Variants in ATXN1 observed in about 807,000 individuals in gnomAD.
ATXN1 encodes the protein ataxin 1, also known as ataxin-1.
A neutral mutation model predicts 56.4 loss-of-function variants in ATXN1; 8 were observed. The ratio of observed to expected loss-of-function variants is 0.14; its 90% CI spans 0.08 to 0.26. ATXN1 has a LOEUF of 0.26. ATXN1 is among the 10% of genes least tolerant of loss of function. The pLI is 1.00. For synonymous variants in ATXN1, 514 were observed against 494.6 expected (o/e 1.04, Z -0.52); for missense variants, 987 against 1,106.5 (o/e 0.89, Z 1.53).
intron 3 of ATXN1, among the ~76,000 whole-genome samples, chr6:16,593,211 C>T (rs921703476): frequency 6.6e-6 from 1 of 152,204 alleles, no homozygotes; most frequent in Non-Finnish European, 1.5e-5. Context: ...CTGGCTTCAC[C>T]TCTCAATTCC....
intron 6 of ATXN1, among the ~76,000 whole-genome samples, chr6:16,416,551 C>A (rs1758912848): frequency 6.6e-6 from 1 of 152,154 alleles, no homozygotes; most frequent in African/African-American, 2.4e-5. Context: ...AAGTATAGTC[C>A]CTGGCCCAGA....
intron 2 of ATXN1, among the ~76,000 whole-genome samples, chr6:16,686,102 T>C (rs1758912515): frequency 6.6e-6 from 1 of 152,194 alleles, no homozygotes; most frequent in Non-Finnish European, 1.5e-5. Context: ...TAAAAATTAC[T>C]CAAAATGCAT....
intron 6 of ATXN1, among the ~76,000 whole-genome samples, chr6:16,348,619 C>T (rs376406126): frequency 2.2e-4 from 34 of 152,006 alleles, no homozygotes; most frequent in South Asian, 6.2e-4. Context: ...CACTTGAACC[C>T]GCGAGGTGGA....
chr6:16,552,877 C>T (rs1305326263), intron 4 of ATXN1, among the ~76,000 whole-genome samples: 2 of 152,224 alleles, frequency 1.3e-5, no homozygotes, highest in Non-Finnish European at 2.9e-5. Context: ...TCCAGAGCAA[C>T]GTGGCTGGGC....
chr6:16,404,874 A>T (rs929776030), intron 6 of ATXN1, among the ~76,000 whole-genome samples: 1 of 152,018 alleles, frequency 6.6e-6, no homozygotes, highest in African/African-American at 2.4e-5. Context: ...CAGATTTTGT[A>T]TTAATAATAA....
intron 4 of ATXN1, among the ~76,000 whole-genome samples, chr6:16,524,615 T>C (rs189310480): frequency 1.3e-3 from 195 of 152,318 alleles, no homozygotes; most frequent in African/African-American, 4.5e-3. Flanking sequence ...CTTCATAGAA[T>C]GTTTCTAGTT....
rs181722175 is a variant in ATXN1 at position 16,631,246 on chromosome 6, C to T, written c.-489+26530G>A. The stretch of plus-strand genomic sequence containing the variant: ...TTGAGTCTTTCTGACTCCATGCCCA[C>T]TCTCCTTCCACTTGCAGCGTAAACA... On this transcript the variant is annotated intron_variant, in intron 3 of 7. Coordinates refer to ENST00000436367, the MANE Select transcript of ATXN1 (RefSeq NM_001128164.2). 8.3e-4 allele frequency among the ~76,000 whole-genome samples: 126 copies of T among 152,314 alleles called. 1 individual carries two copies. In the Middle Eastern group the frequency reaches 0.02, roughly 25 times the overall value.
chr6:16,308,918 T>C (rs1006480908), intron 7 of ATXN1, among the ~76,000 whole-genome samples: 3 of 152,010 alleles, frequency 2.0e-5, no homozygotes, highest in Non-Finnish European at 4.4e-5. Flanking sequence ...GATAGGAAAC[T>C]AGAATCTGTT....
intron 2 of ATXN1, among the ~76,000 whole-genome samples, chr6:16,717,428 G>A (rs536967725): frequency 3.4e-4 from 52 of 152,186 alleles, no homozygotes; most frequent in Non-Finnish European, 6.6e-4. Context: ...CCCTTGTTCC[G>A]ATTCCCTGCT....
chr6:16,349,790 G>A (rs1040750671), intron 6 of ATXN1, among the ~76,000 whole-genome samples: 2 of 152,044 alleles, frequency 1.3e-5, no homozygotes, highest in African/African-American at 4.8e-5. Flanking sequence ...CAGAACAAAT[G>A]GTCAATTACA....
In ATXN1 at chr6:16,426,200, T is replaced by C. The variant is rs368020533; in HGVS notation, c.-161+59772A>G. ...CTTGAAATTTATGAGTAATGAGCCA[T>C]TTTGGGAGAAGGAAGTTGATTCTGT... is the stretch of plus-strand genomic sequence containing the variant. On this transcript the variant is annotated intron_variant, in intron 6 of 7. Coordinates refer to ENST00000436367, the MANE Select transcript of ATXN1 (RefSeq NM_001128164.2). Among the ~76,000 whole-genome samples, 225 of 152,194 alleles carry C rather than the reference T, an allele frequency of 1.5e-3. 1 individual carries two copies. Among genetic ancestry groups the C allele is most frequent in the African/African-American group, 4.6e-3 (189 of 41,528 alleles).
rs559230542 is a variant in ATXN1, at chr6:16,318,759, A to G, written c.1917+7635T>C. ...ATTAAAAGCTGGGTTTTTCTTACACATGGTAGCGTGGCTCACAGAGCTCCC... is the reference window on the plus strand; with the variant it reads ...ATTAAAAGCTGGGTTTTTCTTACACGTGGTAGCGTGGCTCACAGAGCTCCC... On this transcript the variant is annotated intron_variant, in intron 7 of 7. Coordinates refer to ENST00000436367, the MANE Select transcript of ATXN1 (RefSeq NM_001128164.2). Among the ~76,000 whole-genome samples the G allele has an allele frequency of 2.6e-5, 4 of 152,276 alleles. No individual in the cohort carries two copies. The East Asian group carries it at 7.7e-4, about 29-fold the overall frequency.
At chr6:16,759,528 CTGTT>C (rs1482035544) in intron 1 of ATXN1, among the ~76,000 whole-genome samples, 3 of 64,508 alleles carry the variant, frequency 4.7e-5, no homozygotes, top group East Asian at 1.1e-3. Context: ...CTTCTTCCGA[CTGTT>C]TTTTTTTTTT....
In ATXN1 at chr6:16,300,670, A is replaced by G. The variant is rs75152280; in HGVS notation, c.*5659T>C. ...GGTGTGGGGGGAAAGAAGGTGAAAT[A>G]ATTTTTTTTTTTGTCCCCATAATGA... is the stretch of plus-strand genomic sequence containing the variant. On this transcript the variant is annotated 3_prime_UTR_variant, in exon 8 of 8. Coordinates refer to ENST00000436367, the MANE Select transcript of ATXN1 (RefSeq NM_001128164.2). The G allele has an allele frequency of 6.6e-6, 1 of 152,216 alleles. No individual in the cohort carries two copies. Among genetic ancestry groups the G allele is most frequent in the African/African-American group, 2.4e-5 (1 of 41,366 alleles). 9.4% of individuals were successfully genotyped at this position (152,216 alleles called of 1,614,324 possible). A position where few individuals can be genotyped will look rare whatever the true frequency, so the allele number is the denominator to read the frequency against.
chr6:16,409,167 G>C (rs1228004347), intron 6 of ATXN1, among the ~76,000 whole-genome samples: 1 of 152,044 alleles, frequency 6.6e-6, no homozygotes, highest in Admixed American at 6.5e-5. Context: ...ACTCGGACTT[G>C]CTTTGACATT....
At chr6:16,466,317 CAAA>C (rs200261208) in intron 6 of ATXN1, among the ~76,000 whole-genome samples, 80 of 79,824 alleles carry the variant, frequency 1.0e-3, no homozygotes, top group African/African-American at 3.6e-3. Context: ...GACCCCATCT[CAAA>C]AAAAAAAAAA....
intron 3 of ATXN1, among the ~76,000 whole-genome samples, chr6:16,655,264 T>TA (rs1758171482): frequency 6.6e-6 from 1 of 152,202 alleles, no homozygotes; most frequent in Admixed American, 6.5e-5. Context: ...TGCATGCCTG[T>TA]AATCCCAGCA....
intron 2 of ATXN1, among the ~76,000 whole-genome samples, chr6:16,664,206 A>G (rs1758379912): frequency 6.6e-6 from 1 of 152,256 alleles, no homozygotes; most frequent in South Asian, 2.1e-4. Flanking sequence ...AGCTTTAAAA[A>G]AACATATGCA....
chr6:16,463,207 C>G (rs781142612), intron 6 of ATXN1, among the ~76,000 whole-genome samples: 10 of 152,302 alleles, frequency 6.6e-5, no homozygotes, highest in Non-Finnish European at 1.0e-4. Context: ...TTTTAACATA[C>G]ACAACCAGTT....
Sources: allele counts gnomAD v4.1 joint callset (sites outside exome capture counted in the v4.1 genomes callset), GRCh38; gene constraint gnomAD v4.1.1; transcripts MANE v1.5; gene names NCBI Gene and HGNC (gene_info 2026-07-23, HGNC 2026-07-21).